The following DHX57 variants were observed in gnomAD, a reference collection of about 807,000 sequenced individuals.
DHX57 encodes the protein DExH-box helicase 57, also known as putative ATP-dependent RNA helicase DHX57.
A neutral mutation model predicts 156.2 loss-of-function variants in DHX57; 105 were observed. The ratio of observed to expected loss-of-function variants is 0.67; its 90% CI spans 0.57 to 0.79. The LOEUF (loss-of-function observed/expected upper bound fraction) is 0.79. DHX57 is among the 30% of genes least tolerant of loss of function. DHX57 has a pLI of 0.00. For missense variants in DHX57, 1,847 were observed against 1,661.9 expected (o/e 1.11, Z -1.94); for synonymous variants, 704 against 595.6 (o/e 1.18, Z -2.65).
intron 19 of DHX57, among the ~76,000 whole-genome samples, chr2:38,818,354 A>G (rs1270262202): frequency 1.3e-5 from 2 of 152,036 alleles, no homozygotes; most frequent in Admixed American, 6.6e-5. Flanking sequence ...GTGAAACCCC[A>G]TCTCTACTAA....
rs1671099606 is a variant in DHX57, at chr2:38,826,622, G to A, written c.2707C>T (p.Pro903Ser). The A allele has an allele frequency of 6.2e-7, 1 of 1,613,952 alleles. No individual in the cohort carries two copies. Among genetic ancestry groups the A allele is most frequent in the African/African-American group, 1.3e-5 (1 of 74,874 alleles). ...ATTATAATCTTAGTTACTCCTGCAG[G>A]AGGTTTTACAAACACAGCCTGCTGC... ...EEQQAVFVKP[P>S]AGVTKIIIST... is the part of the protein sequence containing the mutation. Residue 903 changes from proline to serine, a missense_variant, in exon 15 of 24, where the codon CCT becomes TCT. By Grantham distance (74) the Pro-to-Ser change is moderately conservative. Coordinates refer to ENST00000457308, the MANE Select transcript of DHX57 (RefSeq NM_198963.3).
chr2:38,810,385 T>G, intron 21 of DHX57: 2 of 496,412 alleles, frequency 4.0e-6, no homozygotes, highest in South Asian at 3.0e-5. Context: ...TGCCTGTACT[T>G]GGGGAATCTG....
At chr2:38,860,137 G>C (rs1462851987) in intron 5 of DHX57, among the ~76,000 whole-genome samples, 1 of 151,910 alleles carries the variant, frequency 6.6e-6, no homozygotes, top group Admixed American at 6.6e-5. Context: ...TTTGAAAGGG[G>C]CTTACTTGTG....
chr2:38,875,705 C>T (rs1027670260), intron 1 of DHX57, 82 bp downstream of exon 1: 23 of 225,900 alleles, frequency 1.0e-4, no homozygotes, highest in South Asian at 1.8e-4. Flanking sequence ...GAGCAGGAGG[C>T]GGCAGACACA....
At chr2:38,835,507 G>A (rs1183191002) in intron 13 of DHX57, among the ~76,000 whole-genome samples, 2 of 152,190 alleles carry the variant, frequency 1.3e-5, no homozygotes, top group African/African-American at 2.4e-5. Flanking sequence ...ATACTGGACA[G>A]TGCCACTGGC....
chr2:38,838,557 G>A (rs1671808539), intron 12 of DHX57, among the ~76,000 whole-genome samples: 1 of 152,084 alleles, frequency 6.6e-6, no homozygotes, highest in Admixed American at 6.6e-5. Flanking sequence ...AATATTTATT[G>A]AAAGCTTAAG....
intron 21 of DHX57, among the ~76,000 whole-genome samples, chr2:38,813,216 A>C (rs976043691): frequency 6.6e-6 from 1 of 152,062 alleles, no homozygotes; most frequent in African/African-American, 2.4e-5. Context: ...ACTAACATAG[A>C]AAGTTAGTTA....
chr2:38,858,298 G>A (rs574303450), intron 6 of DHX57, among the ~76,000 whole-genome samples: 27 of 152,288 alleles, frequency 1.8e-4, no homozygotes, highest in Admixed American at 7.8e-4. Flanking sequence ...CTGACCTCAG[G>A]TGATCTGCCT....
intron 17 of DHX57, among the ~76,000 whole-genome samples, chr2:38,822,332 C>T (rs765903091): frequency 4.6e-5 from 7 of 152,144 alleles, no homozygotes; most frequent in Admixed American, 1.3e-4. Flanking sequence ...CCACCTGCCT[C>T]GGCCTCCCAA....
At chr2:38,860,417 C>A (rs1386339967) in intron 5 of DHX57, among the ~76,000 whole-genome samples, 1 of 152,042 alleles carries the variant, frequency 6.6e-6, no homozygotes, top group Non-Finnish European at 1.5e-5. Flanking sequence ...CCACTGCACT[C>A]CAGCTTGGGG....
intron 14 of DHX57, among the ~76,000 whole-genome samples, chr2:38,827,508 ATATAT>A: frequency 2.1e-4 from 2 of 9,536 alleles, no homozygotes; most frequent in African/African-American, 2.3e-4. Flanking sequence ...AAAAAAAAAT[ATATAT>A]ATATATATAT....
intron 2 of DHX57, among the ~76,000 whole-genome samples, chr2:38,866,248 A>T (rs918004210): frequency 8.5e-5 from 13 of 152,176 alleles, no homozygotes; most frequent in African/African-American, 3.1e-4. Flanking sequence ...ATGAAGTCCT[A>T]TACAGTCTGG....
At chr2:38,804,779 C>T (rs919832364) in intron 22 of DHX57, among the ~76,000 whole-genome samples, 1 of 152,154 alleles carries the variant, frequency 6.6e-6, no homozygotes, top group East Asian at 1.9e-4. Flanking sequence ...TTTCTCCTTT[C>T]TCTCTATCTG....
intron 22 of DHX57, 121 bp from the exon 23 acceptor site, chr2:38,803,036 G>T (rs145324904): frequency 7.6e-6 from 8 of 1,053,212 alleles, no homozygotes; most frequent in Middle Eastern, 2.9e-4. Flanking sequence ...TCTATAGCCC[G>T]TGACTTTCCT....
chr2:38,829,196 G>C (rs917219573), intron 13 of DHX57, among the ~76,000 whole-genome samples: 1 of 151,892 alleles, frequency 6.6e-6, no homozygotes, highest in Non-Finnish European at 1.5e-5. Flanking sequence ...ACCCGCCTCA[G>C]CCTACCAAAA....
At position 38,866,824 on chromosome 2, in the gene DHX57, G is replaced by A. The variant is rs555040673; in HGVS notation, c.224+1358C>T. Among the ~76,000 whole-genome samples the A allele has an allele frequency of 1.4e-4, 21 of 152,322 alleles. 1 individual carries two copies. In the South Asian group the frequency reaches 4.1e-3, roughly 30 times the overall value. ...GCCTGTAATTCCAACACTATGGGAG[G>A]CCAAGGCAGGAGAATCGCTTGAGCC... On this transcript the variant is annotated intron_variant, in intron 2 of 23. Coordinates refer to ENST00000457308, the MANE Select transcript of DHX57 (RefSeq NM_198963.3).
intron 22 of DHX57, among the ~76,000 whole-genome samples, chr2:38,803,813 G>A (rs954614995): frequency 2.2e-5 from 3 of 135,156 alleles, no homozygotes; most frequent in Admixed American, 7.7e-5. Context: ...ATGCAGTCTC[G>A]CTCTGTCACC....
chr2:38,813,626 C>G (rs1251393510), intron 21 of DHX57, among the ~76,000 whole-genome samples, 195 bp downstream of exon 21: 1 of 152,188 alleles, frequency 6.6e-6, no homozygotes, highest in Non-Finnish European at 1.5e-5. Flanking sequence ...CCCGCCTCGG[C>G]CTCCCAAAGT....
At position 38,862,147 on chromosome 2, in the gene DHX57, G is replaced by A. The variant is rs147157568; in HGVS notation, c.570C>T (p.Ser190=). 2.8e-4 allele frequency: 445 copies of A among 1,591,588 alleles called. No individual in the cohort carries two copies. The highest frequency in any genetic ancestry group is 3.7e-4 in the Non-Finnish European group (426 of 1,166,794). ...CCATAAATGATCAAAGCAATCACCT[G>A]GAAAGTTTTTGCACTGCAAATGGGG... ...TVSPFAVQKL[S]RYGFNTERCQ... is the part of the protein sequence containing the mutation. The change falls in exon 4 of 24, where the codon TCC becomes TCT. Residue 190 remains serine, a splice_region_variant and synonymous_variant. Coordinates refer to ENST00000457308, the MANE Select transcript of DHX57 (RefSeq NM_198963.3).
Sources: allele counts gnomAD v4.1 joint callset (sites outside exome capture counted in the v4.1 genomes callset), GRCh38; gene constraint gnomAD v4.1.1; transcripts MANE v1.5; gene names NCBI Gene and HGNC (gene_info 2026-07-23, HGNC 2026-07-21).